Variants in MIA2 observed in about 807,000 individuals in gnomAD.
The protein encoded by MIA2 is MIA SH3 domain ER export factor 2, also known as melanoma inhibitory activity protein 2.
Under a neutral mutation model 167.8 loss-of-function variants are expected in MIA2, and 127 were observed. That is an observed-to-expected ratio of 0.76 (90% CI 0.66 to 0.88). The LOEUF (loss-of-function observed/expected upper bound fraction) is 0.88, where lower values mean the gene tolerates loss of function less well. Among genes scored for constraint, MIA2 ranks in the 40% least tolerant of loss-of-function variants. The probability of loss-of-function intolerance (pLI) is 0.00; values close to 1 mark genes in which losing one functional copy is unlikely to be tolerated. For missense variants in MIA2, 1,690 were observed against 1,624.7 expected (o/e 1.04, Z -0.69); for synonymous variants, 552 against 541.9 (o/e 1.02, Z -0.26).
rs572472649 is a variant in MIA2 at position 39,318,932 on chromosome 14, G to T, written c.3285-277G>T. On this transcript the variant is annotated intron_variant, in intron 22 of 28. Coordinates refer to ENST00000640607, the MANE Select transcript of MIA2 (RefSeq NM_001329214.4). Reference sequence around the variant, plus strand: ...CTTGTATTTCAAAAATTTGGATTCTGTGATATAGTACTCATGGTAGTCTAG... The same window carrying T: ...CTTGTATTTCAAAAATTTGGATTCTTTGATATAGTACTCATGGTAGTCTAG... Among the ~76,000 whole-genome samples, 70 of 152,256 alleles carry T rather than the reference G, an allele frequency of 4.6e-4. 1 individual carries two copies. Among genetic ancestry groups the T allele is most frequent in the Non-Finnish European group, 8.7e-4 (59 of 67,966 alleles).
Position 39,291,104 on chromosome 14 carries a change from A to G in MIA2, c.2208+8A>G. ...GAAGCACAAAGTTTGGAGGTAGAAA[A>G]TCAAATGGTATAATTTTAAAAGCTG... On this transcript the variant is annotated splice_region_variant and intron_variant, in intron 10 of 28. Coordinates refer to ENST00000640607, the MANE Select transcript of MIA2 (RefSeq NM_001329214.4). The G allele has an allele frequency of 6.3e-7, 1 of 1,590,712 alleles. No individual in the cohort carries two copies. The highest frequency in any genetic ancestry group is 8.5e-7 in the Non-Finnish European group (1 of 1,172,542).
In MIA2 at chr14:39,253,182, C is replaced by T. The variant is rs2054653092; in HGVS notation, c.1887+11C>T. 2 of 1,606,990 alleles carry T rather than the reference C, an allele frequency of 1.2e-6. No homozygotes were observed. The highest frequency in any genetic ancestry group is 1.7e-5 in the Admixed American group (1 of 58,754). The stretch of plus-strand genomic sequence containing the variant: ...ATTCTTACAGAAAGGGTAAGTTTGC[C>T]TTTTAAACCTTTTGCAATAATTTTA... On this transcript the variant is annotated intron_variant, in intron 6 of 28. Transcript: ENST00000640607.
At position 39,326,997 on chromosome 14, in the gene MIA2, C is replaced by A; in HGVS notation, c.3630C>A (p.Asp1210Glu). ...CTCTGTCACCTCCATGGGACCAGGA[C>A]CGTAGGATGATGTTTCCTCCGCCAG... ...TGSLSPPWDQ[D>E]RRMMFPPPGQ... The change falls in exon 25 of 29, where the codon GAC (aspartate) becomes GAA (glutamate). Residue 1210 changes from aspartate (D) to glutamate (E), a missense_variant. Coordinates refer to ENST00000640607, the MANE Select transcript of MIA2 (RefSeq NM_001329214.4). The A allele has an allele frequency of 6.5e-7, 1 of 1,539,182 alleles. No individual in the cohort carries two copies. The highest frequency in any genetic ancestry group is 1.4e-5 in the African/African-American group (1 of 70,906).
At chr14:39,342,288 T>G (rs1193225613) in intron 25 of MIA2, among the ~76,000 whole-genome samples, 1 of 152,060 alleles carries the variant, frequency 6.6e-6, no homozygotes, top group Non-Finnish European at 1.5e-5. Flanking sequence ...TGCGATAGTT[T>G]GCTGAGAATG....
rs572882936 is a variant in MIA2 at position 39,344,749 on chromosome 14, C to T, written c.3656-1155C>T. ...AAGTTACACAATTCACCTTCTTTGT[C>T]GTTCTCCTTATTTTTGGAGTTGGAC... On this transcript the variant is annotated intron_variant, in intron 25 of 28. Coordinates refer to ENST00000640607, the MANE Select transcript of MIA2 (RefSeq NM_001329214.4). Among the ~76,000 whole-genome samples, 6 of 152,250 alleles carry T rather than the reference C, an allele frequency of 3.9e-5. No homozygotes were observed. The East Asian group carries it at 7.7e-4, about 20-fold the overall frequency.
chr14:39,365,915 A>G (rs1257736026), intron 23 of MIA2, among the ~76,000 whole-genome samples: 4 of 151,616 alleles, frequency 2.6e-5, no homozygotes, highest in African/African-American at 4.9e-5. Flanking sequence ...TCTCCTTTAC[A>G]TTGATATTTG....
chr14:39,267,556 A>G (rs759175723), intron 6 of MIA2: 6 of 1,608,462 alleles, frequency 3.7e-6, no homozygotes, highest in Non-Finnish European at 5.1e-6. Context: ...TACGTGGCCC[A>G]GGGGTCGCGG....
chr14:39,349,286 C>T (rs2139138492), intron 28 of MIA2, among the ~76,000 whole-genome samples: 1 of 152,286 alleles, frequency 6.6e-6, no homozygotes, highest in Middle Eastern at 3.4e-3. Context: ...TTGGTAGCAA[C>T]TGGTTATTCT....
At chr14:39,346,164 T>C (rs1387788506) in intron 26 of MIA2, 138 bp downstream of exon 26, 2 of 725,018 alleles carry the variant, frequency 2.8e-6, no homozygotes, top group Non-Finnish European at 4.7e-6. Context: ...AATGTCCTGG[T>C]TTTATGTTTC....
At chr14:39,282,621 T>C (rs1448775210) in intron 9 of MIA2, among the ~76,000 whole-genome samples, 1 of 152,198 alleles carries the variant, frequency 6.6e-6, no homozygotes, top group Admixed American at 6.5e-5. Flanking sequence ...TCACACAGGC[T>C]GGGGTGCAGT....
chr14:39,295,580 A>C (rs1286416055), intron 13 of MIA2, among the ~76,000 whole-genome samples: 1 of 151,806 alleles, frequency 6.6e-6, no homozygotes, highest in Non-Finnish European at 1.5e-5. Context: ...TTAATTTTTT[A>C]GACGGAGTCT....
downstream of MIA2, among the ~76,000 whole-genome samples, chr14:39,356,104 A>T (rs1195959696): frequency 6.6e-6 from 1 of 152,056 alleles, no homozygotes; most frequent in Non-Finnish European, 1.5e-5. Flanking sequence ...TTTTCTATTG[A>T]TTGGAATAGT....
intron 25 of MIA2, among the ~76,000 whole-genome samples, chr14:39,342,013 A>T (rs1215744208): frequency 6.6e-6 from 1 of 152,086 alleles, no homozygotes; most frequent in Non-Finnish European, 1.5e-5. Context: ...ACAAATTGAG[A>T]TTTAAAAAAA....
intron 25 of MIA2, among the ~76,000 whole-genome samples, chr14:39,333,282 G>C (rs1304799825): frequency 6.6e-6 from 1 of 152,106 alleles, no homozygotes; most frequent in Non-Finnish European, 1.5e-5. Context: ...GAGTGTTACT[G>C]GTCTTGCTGT....
intron 25 of MIA2, among the ~76,000 whole-genome samples, chr14:39,343,785 G>A (rs73279323): frequency 6.6e-6 from 1 of 152,056 alleles, no homozygotes; most frequent in Non-Finnish European, 1.5e-5. Context: ...CTTATTATGT[G>A]TATATGTGTA....
intron 23 of MIA2, among the ~76,000 whole-genome samples, chr14:39,356,989 G>A (rs550855133): frequency 6.6e-6 from 1 of 152,292 alleles, no homozygotes; most frequent in Admixed American, 6.5e-5. Flanking sequence ...GTCGGTTTTG[G>A]AATAAGTGTG....
At chr14:39,297,645 G>C (rs778906278) in intron 13 of MIA2, among the ~76,000 whole-genome samples, 29 of 147,010 alleles carry the variant, frequency 2.0e-4, no homozygotes, top group Non-Finnish European at 3.3e-4. Context: ...CCTCTCCAAA[G>C]AATGACCCTG....
chr14:39,368,680 CT>C (rs35895928), intron 23 of MIA2, among the ~76,000 whole-genome samples: 23,143 of 102,442 alleles, frequency 0.23, 2,925 homozygotes, highest in African/African-American at 0.46. Flanking sequence ...TTTTTCTTTT[CT>C]TTTTTTTGTT....
chr14:39,238,818 AAAC>A lies in MIA2; in HGVS notation c.250-1740_250-1738del, dbSNP rs1566583671. Among the ~76,000 whole-genome samples the A allele has an allele frequency of 2.7e-5, 4 of 150,214 alleles. No individual in the cohort carries two copies. In the South Asian group the frequency reaches 8.4e-4, roughly 31 times the overall value. ...CAAAAAAAAAAAAAAAAAACCCAAA[AAAC>A]AAAAAAACCTAGCTGATAGAGCTTT... On this transcript the variant is annotated intron_variant, in intron 2 of 28. Coordinates refer to ENST00000640607, the MANE Select transcript of MIA2 (RefSeq NM_001329214.4).
Sources: allele counts gnomAD v4.1 joint callset (sites outside exome capture counted in the v4.1 genomes callset), GRCh38; gene constraint gnomAD v4.1.1; transcripts MANE v1.5; gene names NCBI Gene and HGNC (gene_info 2026-07-23, HGNC 2026-07-21).